EXOC6B: variants seen among roughly 807,000 people sequenced by gnomAD.
The protein encoded by EXOC6B is exocyst complex component 6B.
EXOC6B carries 54 observed loss-of-function variants against 113.5 expected under a neutral mutation model. That is an observed-to-expected ratio of 0.48 (90% CI 0.38 to 0.60). The LOEUF (loss-of-function observed/expected upper bound fraction) is 0.60, where lower values mean the gene tolerates loss of function less well. EXOC6B is among the 20% of genes least tolerant of loss of function. EXOC6B has a pLI of 0.00. For missense variants in EXOC6B, 797 were observed against 977.5 expected, an observed-to-expected ratio of 0.82 and a Z score of 2.46; for synonymous variants, 357 against 339.0, an observed-to-expected ratio of 1.05 and a Z score of -0.58.
At chr2:72,742,934 C>T (rs531808092) in intron 1 of EXOC6B, among the ~76,000 whole-genome samples, 8 of 152,122 alleles carry the variant, frequency 5.3e-5, no homozygotes, top group Non-Finnish European at 7.4e-5. Context: ...CAGTATTTAA[C>T]GTAGAAAAAA....
At chr2:72,381,747 T>A (rs1365250385) in intron 18 of EXOC6B, among the ~76,000 whole-genome samples, 1 of 152,198 alleles carries the variant, frequency 6.6e-6, no homozygotes, top group Non-Finnish European at 1.5e-5. Flanking sequence ...GCTTATGGTA[T>A]GTTCTGATTT....
At chr2:72,561,517 T>C (rs771030377) in intron 7 of EXOC6B, among the ~76,000 whole-genome samples, 3 of 152,122 alleles carry the variant, frequency 2.0e-5, no homozygotes, top group Non-Finnish European at 4.4e-5. Flanking sequence ...ATAGTTTCAC[T>C]CAAAAGGAAA....
Position 72,441,476 on chromosome 2 carries a change from A to G in EXOC6B, c.1980+23684T>C, listed in dbSNP as rs189507548. Among the ~76,000 whole-genome samples the G allele has an allele frequency of 1.5e-3, 229 of 152,240 alleles. 1 individual carries two copies. The highest frequency in any genetic ancestry group is 3.1e-3 in the Admixed American group (47 of 15,284). On this transcript the variant is annotated intron_variant, in intron 18 of 21. Transcript: ENST00000272427. ...AAGAAACTTTTTTTGAAAAAAAAAT[A>G]CAATAGATAAACCTTTAACTAGAAT...
intron 20 of EXOC6B, among the ~76,000 whole-genome samples, chr2:72,226,718 T>C (rs2041564): frequency 0.46 from 69,774 of 152,146 alleles, 21,009 homozygotes; most frequent in African/African-American, 0.86. Context: ...ATAATGTCAT[T>C]ACCAAAGCAC....
At chr2:72,663,934 C>A (rs1675202042) in intron 6 of EXOC6B, among the ~76,000 whole-genome samples, 1 of 152,072 alleles carries the variant, frequency 6.6e-6, no homozygotes, top group Non-Finnish European at 1.5e-5. Flanking sequence ...ACAGGGGAAA[C>A]TGCCTCAGGG....
chr2:72,814,792 C>A (rs1322550734), intron 1 of EXOC6B, among the ~76,000 whole-genome samples: 2 of 151,670 alleles, frequency 1.3e-5, no homozygotes, highest in African/African-American at 4.8e-5. Flanking sequence ...GAGATCAAGA[C>A]CACCCTGGCT....
chr2:72,303,979 G>A (rs1686685931), intron 20 of EXOC6B, among the ~76,000 whole-genome samples: 1 of 152,182 alleles, frequency 6.6e-6, no homozygotes, highest in African/African-American at 2.4e-5. Context: ...TGAGTGTTCT[G>A]TGCTAGGGGT....
intron 6 of EXOC6B, among the ~76,000 whole-genome samples, chr2:72,685,959 T>C (rs996544184): frequency 5.3e-5 from 8 of 152,310 alleles, no homozygotes; most frequent in African/African-American, 1.7e-4. Flanking sequence ...GGTTTATTTA[T>C]ATGTGACAAA....
intron 20 of EXOC6B, among the ~76,000 whole-genome samples, chr2:72,307,381 T>A (rs1247426529): frequency 1.3e-5 from 2 of 152,000 alleles, no homozygotes; most frequent in African/African-American, 4.8e-5. Flanking sequence ...CTCCTGACCT[T>A]GTGATCCACC....
intron 1 of EXOC6B, among the ~76,000 whole-genome samples, chr2:72,756,245 A>T (rs1297946028): frequency 6.6e-6 from 1 of 152,208 alleles, no homozygotes. Flanking sequence ...ACAAAGGACA[A>T]TGCTAAATGT....
At chr2:72,391,832 G>T (rs1396418761) in intron 18 of EXOC6B, among the ~76,000 whole-genome samples, 4 of 152,078 alleles carry the variant, frequency 2.6e-5, no homozygotes, top group Non-Finnish European at 5.9e-5. Flanking sequence ...TGTGAGCCCA[G>T]GAATTTAAGT....
chr2:72,580,395 G>A (rs1423747903), intron 6 of EXOC6B, among the ~76,000 whole-genome samples: 1 of 151,732 alleles, frequency 6.6e-6, no homozygotes, highest in Non-Finnish European at 1.5e-5. Context: ...CACCCAACTC[G>A]GCCTCCCAAA....
At chr2:72,610,121 T>C (rs1251262855) in intron 6 of EXOC6B, among the ~76,000 whole-genome samples, 1 of 152,144 alleles carries the variant, frequency 6.6e-6, no homozygotes, top group Non-Finnish European at 1.5e-5. Context: ...AATATTAAAG[T>C]AAGTGCTTCA....
Position 72,213,042 on chromosome 2 carries a change from G to C in EXOC6B, c.2197-28855C>G, listed in dbSNP as rs543511487. On this transcript the variant is annotated intron_variant, in intron 20 of 21. Coordinates refer to ENST00000272427, the MANE Select transcript of EXOC6B (RefSeq NM_015189.3). Reference sequence around the variant, plus strand: ...AAAAGTGATGCTATAGACCTTCTGAGGCTGGGCCTTAACAGATACTACTAG... The same window carrying C: ...AAAAGTGATGCTATAGACCTTCTGACGCTGGGCCTTAACAGATACTACTAG... 2.0e-5 allele frequency among the ~76,000 whole-genome samples: 3 copies of C among 152,328 alleles called. No homozygotes were observed. The East Asian group carries it at 5.8e-4, about 29-fold the overall frequency.
At chr2:72,478,788 A>G (rs1698902234) in intron 17 of EXOC6B, among the ~76,000 whole-genome samples, 2 of 152,256 alleles carry the variant, frequency 1.3e-5, no homozygotes, top group Non-Finnish European at 2.9e-5. Flanking sequence ...AGTGGATACC[A>G]CATATTCTTC....
At chr2:72,684,999 T>A (rs1002801984) in intron 6 of EXOC6B, among the ~76,000 whole-genome samples, 1 of 152,074 alleles carries the variant, frequency 6.6e-6, no homozygotes, top group Non-Finnish European at 1.5e-5. Context: ...AGAAAAAAAA[T>A]CAAATATTGA....
intron 19 of EXOC6B, among the ~76,000 whole-genome samples, chr2:72,368,111 C>T (rs1482080615): frequency 6.6e-6 from 1 of 152,060 alleles, no homozygotes; most frequent in Non-Finnish European, 1.5e-5. Flanking sequence ...CAATCCCAGG[C>T]AGTGCAGCTC....
chr2:72,211,767 AG>A (rs1680208062), intron 20 of EXOC6B, among the ~76,000 whole-genome samples: 2 of 152,328 alleles, frequency 1.3e-5, no homozygotes, highest in South Asian at 4.2e-4. Context: ...TTTAGATAAA[AG>A]TATATTTGTT....
intron 8 of EXOC6B, among the ~76,000 whole-genome samples, chr2:72,552,704 T>A (rs1048003796): frequency 6.6e-6 from 1 of 151,960 alleles, no homozygotes; most frequent in East Asian, 1.9e-4. Context: ...ATTGAGTTTA[T>A]CTAATAAACA....
Sources: allele counts gnomAD v4.1 joint callset (sites outside exome capture counted in the v4.1 genomes callset), GRCh38; gene constraint gnomAD v4.1.1; transcripts MANE v1.5; gene names NCBI Gene and HGNC (gene_info 2026-07-23, HGNC 2026-07-21).